Variants in SRFBP1 observed in about 807,000 individuals in gnomAD.
The protein encoded by SRFBP1 is serum response factor binding protein 1, also known as serum response factor-binding protein 1.
In SRFBP1, 47 loss-of-function variants were observed where a neutral mutation model predicts 45.5. The ratio of observed to expected loss-of-function variants is 1.03; its 90% CI spans 0.82 to 1.32. SRFBP1 has a LOEUF of 1.32. SRFBP1 is among the 40% of genes most tolerant of loss of function. The pLI is 0.00. For synonymous variants in SRFBP1, 203 were observed against 166.3 expected (o/e 1.22, Z -1.70); for missense variants, 621 against 484.6 (o/e 1.28, Z -2.64).
chr5:122,065,813 T>A (rs1254286640), intron 2 of SRFBP1: 1 of 152,132 alleles, frequency 6.6e-6, no homozygotes, highest in Non-Finnish European at 1.5e-5. Context: ...TTGTGTGATT[T>A]TTATGTCAGC....
intron 2 of SRFBP1, among the ~76,000 whole-genome samples, chr5:122,057,757 A>T (rs942904925): frequency 6.6e-6 from 1 of 152,204 alleles, no homozygotes; most frequent in African/African-American, 2.4e-5. Flanking sequence ...TCAGACAGAC[A>T]ACATTGACAT....
At chr5:122,066,492 C>G (rs1323367495) in intron 2 of SRFBP1, 7 of 394,400 alleles carry the variant, frequency 1.8e-5, no homozygotes, top group African/African-American at 1.2e-4. Context: ...TATGTAATTA[C>G]AGAATTGAAA....
In SRFBP1 at chr5:122,049,669, A is replaced by C. The variant is rs181823117; in HGVS notation, n.312-25646A>C. On this transcript the variant is annotated intron_variant and non_coding_transcript_variant, in intron 2 of 2. Transcript: ENST00000504881. ...AATGTAAAAGAACAGAAATTATAAC[A>C]AACTGTCTCTCAGACCACAGTGCAA... Among the ~76,000 whole-genome samples, 95 of 152,288 alleles carry C rather than the reference A, an allele frequency of 6.2e-4. 3 individuals carry two copies. The East Asian group carries it at 0.017, about 28-fold the overall frequency.
chr5:121,969,235 T>A (rs1466178019), intron 1 of SRFBP1, among the ~76,000 whole-genome samples: 1 of 152,144 alleles, frequency 6.6e-6, no homozygotes, highest in Non-Finnish European at 1.5e-5. Flanking sequence ...GCGTAATAAA[T>A]GCTCACATTG....
intron 3 of SRFBP1, among the ~76,000 whole-genome samples, chr5:121,985,434 A>T (rs1006619354): frequency 6.6e-6 from 1 of 151,776 alleles, no homozygotes; most frequent in African/African-American, 2.4e-5. Context: ...AAGTCTGTGT[A>T]AAGGAAGATA....
intron 2 of SRFBP1, among the ~76,000 whole-genome samples, chr5:122,057,440 A>G (rs1754100684): frequency 6.7e-6 from 1 of 149,130 alleles, no homozygotes; most frequent in Non-Finnish European, 1.5e-5. Context: ...CATATATGCC[A>G]TTTGGATTGT....
intron 1 of SRFBP1, 80 bp from the exon 2 acceptor site, chr5:121,974,116 C>A: frequency 1.0e-6 from 1 of 961,344 alleles, no homozygotes; most frequent in Non-Finnish European, 1.6e-6. Flanking sequence ...GACTAAGTCT[C>A]AAATATTAAG....
intron 2 of SRFBP1, among the ~76,000 whole-genome samples, chr5:122,055,525 T>C (rs1472892089): frequency 2.6e-5 from 4 of 152,202 alleles, no homozygotes; most frequent in Non-Finnish European, 5.9e-5. Context: ...TTTTAAAAGT[T>C]GTCCAGCATT....
intron 2 of SRFBP1, chr5:122,066,802 T>C (rs918077301): frequency 2.7e-6 from 3 of 1,122,764 alleles, no homozygotes; most frequent in South Asian, 1.3e-5. Context: ...ATATAATGAA[T>C]GAGTACAACA....
chr5:121,971,136 T>G (rs2112814844), intron 1 of SRFBP1, among the ~76,000 whole-genome samples: 1 of 152,090 alleles, frequency 6.6e-6, no homozygotes, highest in African/African-American at 2.4e-5. Flanking sequence ...TTGGACACCG[T>G]TAAAGAGAGT....
At chr5:122,048,569 T>G (rs1753906964) in intron 2 of SRFBP1, among the ~76,000 whole-genome samples, 2 of 152,220 alleles carry the variant, frequency 1.3e-5, no homozygotes, top group African/African-American at 4.8e-5. Flanking sequence ...TAAAATGAGT[T>G]AGGGAGGATT....
chr5:121,965,843 G>T (rs1752052924), intron 1 of SRFBP1, among the ~76,000 whole-genome samples: 2 of 152,116 alleles, frequency 1.3e-5, no homozygotes, highest in Non-Finnish European at 2.9e-5. Context: ...TTTTCCATTT[G>T]TATGTGTCCT....
chr5:122,041,543 A>G (rs915770087), intron 2 of SRFBP1, among the ~76,000 whole-genome samples: 2 of 149,568 alleles, frequency 1.3e-5, no homozygotes, highest in Non-Finnish European at 3.0e-5. Context: ...TTTTAGCTTT[A>G]ATTTTTTTTC....
chr5:121,991,809 G>A (rs1752626896), intron 3 of SRFBP1, among the ~76,000 whole-genome samples: 1 of 152,050 alleles, frequency 6.6e-6, no homozygotes, highest in African/African-American at 2.4e-5. Context: ...TGTTTTAGGA[G>A]ACAGTATTCC....
chr5:122,038,178 G>C (rs565472772), intron 2 of SRFBP1, among the ~76,000 whole-genome samples: 1 of 152,144 alleles, frequency 6.6e-6, no homozygotes, highest in African/African-American at 2.4e-5. Context: ...ACCAATGAGA[G>C]TTTGGAATTT....
intron 1 of SRFBP1, among the ~76,000 whole-genome samples, chr5:121,973,198 GA>G (rs1413674687): frequency 6.6e-6 from 1 of 151,722 alleles, no homozygotes; most frequent in African/African-American, 2.4e-5. Context: ...GCTGTCTATA[GA>G]AAAAGACAGC....
chr5:122,017,337 T>C (rs1357602868), intron 4 of SRFBP1, among the ~76,000 whole-genome samples: 1 of 152,182 alleles, frequency 6.6e-6, no homozygotes, highest in Admixed American at 6.5e-5. Context: ...GAGGGGAAAC[T>C]TTCCTGTGTC....
intron 1 of SRFBP1, among the ~76,000 whole-genome samples, chr5:121,970,361 A>G (rs1389163387): frequency 6.6e-6 from 1 of 152,180 alleles, no homozygotes; most frequent in African/African-American, 2.4e-5. Flanking sequence ...TTTAGTTAAC[A>G]GTGGTTAGCA....
chr5:121,966,347 C>G (rs1752064543), intron 1 of SRFBP1, among the ~76,000 whole-genome samples: 1 of 152,124 alleles, frequency 6.6e-6, no homozygotes, highest in South Asian at 2.1e-4. Flanking sequence ...TTATTTATTG[C>G]ATATTTTTGG....
Sources: allele counts gnomAD v4.1 joint callset (sites outside exome capture counted in the v4.1 genomes callset), GRCh38; gene constraint gnomAD v4.1.1; transcripts MANE v1.5; gene names NCBI Gene and HGNC (gene_info 2026-07-23, HGNC 2026-07-21).